TEK: variants seen among roughly 807,000 people sequenced by gnomAD.
TEK encodes TEK receptor tyrosine kinase, also known as angiopoietin-1 receptor.
TEK carries 43 observed loss-of-function variants against 131.8 expected under a neutral mutation model. That is an observed-to-expected ratio of 0.33 (90% CI 0.26 to 0.42). TEK has a LOEUF of 0.42. Ranked by LOEUF, TEK falls within the 10% of genes least tolerant of loss-of-function variation. The pLI is 1.00. For missense variants in TEK, 1,162 were observed against 1,384.4 expected, an observed-to-expected ratio of 0.84 and a Z score of 2.55; for synonymous variants, 580 against 491.6, an observed-to-expected ratio of 1.18 and a Z score of -2.38.
At chr9:27,113,491 G>A (rs1821427944) in intron 1 of TEK, among the ~76,000 whole-genome samples, 1 of 152,174 alleles carries the variant, frequency 6.6e-6, no homozygotes, top group Non-Finnish European at 1.5e-5. Flanking sequence ...GGGAGGCTTA[G>A]ACAGGAGGAT....
rs114456113 is a variant in TEK at position 27,144,913 on chromosome 9, G to A, written c.53-12918G>A. On this transcript the variant is annotated intron_variant, in intron 1 of 22. Coordinates refer to ENST00000380036, the MANE Select transcript of TEK (RefSeq NM_000459.5). ...AGAGAATTCTTGGAGCAAAATATTG[G>A]GAGAGTATATTTCATTGTCAGGTTG... Among the ~76,000 whole-genome samples the A allele has an allele frequency of 8.6e-3, 1,312 of 152,254 alleles. 15 individuals carry two copies. The highest frequency in any genetic ancestry group is 0.03 in the African/African-American group (1,248 of 41,538).
In TEK at chr9:27,229,375, A is replaced by G. The variant is rs1826473091; in HGVS notation, c.*143A>G. The G allele has an allele frequency of 1.3e-6, 1 of 774,866 alleles. No individual in the cohort carries two copies. The highest frequency in any genetic ancestry group is 2.3e-6 in the Non-Finnish European group (1 of 436,236). 48.0% of individuals were successfully genotyped at this position (774,866 alleles called of 1,614,324 possible). On this transcript the variant is annotated 3_prime_UTR_variant, in exon 23 of 23. Transcript: ENST00000380036. ...ACACCTGGGACCTTCACCACTGTAG[A>G]TCCCATGCATGGATCTATGTAGTAT...
In TEK at chr9:27,158,138, A is replaced by G; in HGVS notation, c.360A>G (p.Gln120=). The change falls in exon 2 of 23, where the codon CAA becomes CAG. Residue 120 remains glutamine, a synonymous_variant. Coordinates refer to ENST00000380036, the MANE Select transcript of TEK (RefSeq NM_000459.5). ...AIRIRTMKMR[Q]QASFLPATLT... is the part of the protein sequence containing the mutation. The stretch of plus-strand genomic sequence containing the variant: ...GGATACGAACCATGAAGATGCGTCA[A>G]CAAGGTAACATGCCCCTAAGTTTTG... 1 of 1,614,154 alleles carries G rather than the reference A, an allele frequency of 6.2e-7. No homozygotes were observed. Among genetic ancestry groups the G allele is most frequent in the African/African-American group, 1.3e-5 (1 of 75,054 alleles).
At chr9:27,189,486 C>T (rs570728739) in intron 9 of TEK, among the ~76,000 whole-genome samples, 7 of 152,242 alleles carry the variant, frequency 4.6e-5, no homozygotes, top group South Asian at 4.1e-4. Flanking sequence ...GTTTCTGGGG[C>T]GCTGTCATCC....
chr9:27,228,645 A>G (rs986904900), intron 22 of TEK, among the ~76,000 whole-genome samples: 1 of 152,216 alleles, frequency 6.6e-6, no homozygotes, highest in Non-Finnish European at 1.5e-5. Flanking sequence ...ACACACAGCA[A>G]GTAGACAACA....
chr9:27,227,115 C>G (rs559654257), intron 21 of TEK, among the ~76,000 whole-genome samples: 1 of 152,278 alleles, frequency 6.6e-6, no homozygotes, highest in African/African-American at 2.4e-5. Flanking sequence ...GTAAGCTGTT[C>G]TGGGATCTGT....
intron 1 of TEK, among the ~76,000 whole-genome samples, chr9:27,138,968 G>A (rs1822611399): frequency 1.3e-5 from 2 of 152,038 alleles, no homozygotes; most frequent in Admixed American, 1.3e-4. Context: ...CCAGCACTTT[G>A]GGAGGCCGAG....
intron 9 of TEK, among the ~76,000 whole-genome samples, chr9:27,188,418 G>A (rs1319195148): frequency 6.6e-6 from 1 of 152,188 alleles, no homozygotes; most frequent in African/African-American, 2.4e-5. Context: ...GGAAGCCTTT[G>A]TAGCAATTTT....
rs556146464 is a variant in TEK at position 27,182,774 on chromosome 9, A to G, written c.1031-685A>G. Among the ~76,000 whole-genome samples, 7 of 152,020 alleles carry G rather than the reference A, an allele frequency of 4.6e-5. No individual in the cohort carries two copies. The East Asian group carries it at 1.2e-3, about 25-fold the overall frequency. The stretch of plus-strand genomic sequence containing the variant: ...CTCTACTGTGTAGATGTTAGGCAAG[A>G]AATCCTGACACCATTACCTTTATTG... On this transcript the variant is annotated intron_variant, in intron 7 of 22. Coordinates refer to ENST00000380036, the MANE Select transcript of TEK (RefSeq NM_000459.5).
intron 1 of TEK, among the ~76,000 whole-genome samples, chr9:27,138,766 C>A (rs1034127383): frequency 3.3e-5 from 5 of 152,108 alleles, no homozygotes; most frequent in Non-Finnish European, 5.9e-5. Flanking sequence ...ACAGATGGGT[C>A]CAACTTTTCG....
At chr9:27,202,053 C>T (rs772030122) in intron 12 of TEK, among the ~76,000 whole-genome samples, 50 of 152,158 alleles carry the variant, frequency 3.3e-4, no homozygotes, top group African/African-American at 6.3e-4. Flanking sequence ...TATTGGATCA[C>T]GAACTTCCCT....
chr9:27,189,675 G>T (rs571819185), intron 9 of TEK, among the ~76,000 whole-genome samples: 2 of 152,262 alleles, frequency 1.3e-5, no homozygotes, highest in South Asian at 4.1e-4. Flanking sequence ...ATAGGAAGGA[G>T]CCTTGAGCCA....
chr9:27,208,673 C>T (rs1426446004), intron 15 of TEK, among the ~76,000 whole-genome samples: 5 of 152,182 alleles, frequency 3.3e-5, no homozygotes, highest in Admixed American at 1.3e-4. Flanking sequence ...GGTTCTATTC[C>T]TCAGTTGTCT....
At chr9:27,134,474 A>C (rs1411518018) in intron 1 of TEK, among the ~76,000 whole-genome samples, 1 of 152,244 alleles carries the variant, frequency 6.6e-6, no homozygotes, top group African/African-American at 2.4e-5. Flanking sequence ...CTTTGAACAC[A>C]TTCTACGTTA....
intron 17 of TEK, 85 bp from the exon 18 acceptor site, chr9:27,213,399 T>G: frequency 1.0e-6 from 1 of 965,904 alleles, no homozygotes; most frequent in Non-Finnish European, 1.7e-6. Context: ...TTTTTTATAC[T>G]ATTGTTTTCT....
chr9:27,197,058 G>A (rs10812531), intron 11 of TEK, among the ~76,000 whole-genome samples: 13,058 of 140,404 alleles, frequency 0.093, 614 homozygotes, highest in African/African-American at 0.11. Context: ...ACAGGAAGGG[G>A]AACATCACAC....
chr9:27,219,384 G>A (rs1825956549), intron 20 of TEK, among the ~76,000 whole-genome samples: 1 of 152,070 alleles, frequency 6.6e-6, no homozygotes, highest in Non-Finnish European at 1.5e-5. Context: ...AACTAACACA[G>A]GAATAGAAAA....
chr9:27,204,926 G>A lies in TEK; in HGVS notation c.2225G>A (p.Gly742Glu). ...LPESQAPADL[G>E]GGKMLLIAIL... ...TCCTGCACAGCACCAGCGGACCTCG[G>A]AGGGGGGAAGATGCTGCTTATAGCC... Residue 742 changes from glycine to glutamate, a missense_variant, in exon 14 of 23, where the codon GGA becomes GAA. Physicochemically the swap from Gly to Glu is moderately conservative, Grantham distance 98 (BLOSUM62 -2). This residue lies in a region of TEK where 477 missense variants were observed against 471.0 expected (regional missense o/e 1.01). Coordinates refer to ENST00000380036, the MANE Select transcript of TEK (RefSeq NM_000459.5). 2 of 1,613,944 alleles carry A rather than the reference G, an allele frequency of 1.2e-6. No homozygotes were observed. Among genetic ancestry groups the A allele is most frequent in the Non-Finnish European group, 1.7e-6 (2 of 1,179,870 alleles).
At chr9:27,220,726 A>T (rs777278012) in intron 21 of TEK, among the ~76,000 whole-genome samples, 1 of 152,206 alleles carries the variant, frequency 6.6e-6, no homozygotes, top group Admixed American at 6.5e-5. Flanking sequence ...GGACGGTGCC[A>T]TGACGAATGG....
Sources: allele counts gnomAD v4.1 joint callset (sites outside exome capture counted in the v4.1 genomes callset), GRCh38; gene constraint gnomAD v4.1.1; regional missense constraint gnomAD v4.1.1; transcripts MANE v1.5; gene names NCBI Gene and HGNC (gene_info 2026-07-23, HGNC 2026-07-21).